The following IQCH variants were observed in gnomAD, a reference collection of about 807,000 sequenced individuals.
IQCH encodes IQ domain-containing protein H.
Under a neutral mutation model 117.0 loss-of-function variants are expected in IQCH, and 98 were observed. That is an observed-to-expected ratio of 0.84 (90% CI 0.71 to 0.99). IQCH has a LOEUF of 0.99. IQCH is among the 50% of genes least tolerant of loss of function. IQCH has a pLI of 0.00. For missense variants in IQCH, 1,102 were observed against 1,243.8 expected, an observed-to-expected ratio of 0.89 and a Z score of 1.72; for synonymous variants, 412 against 448.2, an observed-to-expected ratio of 0.92 and a Z score of 1.02.
rs142654088 is a variant in IQCH, at chr15:67,356,800, C to T, written c.638-545C>T. ...TATCTAGCATGTGGGCCCATTCTTC[C>T]TCGACCATGGGCTAGGTGTGTTCTC... On this transcript the variant is annotated intron_variant, in intron 6 of 20. Transcript: ENST00000335894. The surrounding 1 kb of genome is among the most constrained non-coding windows in gnomAD (Gnocchi z 5.3). Among the ~76,000 whole-genome samples the T allele has an allele frequency of 1.9e-4, 29 of 152,272 alleles. No homozygotes were observed. Among genetic ancestry groups the T allele is most frequent in the Admixed American group, 3.3e-4 (5 of 15,300 alleles).
chr15:67,269,324 A>G (rs1002499327), intron 3 of IQCH, among the ~76,000 whole-genome samples: 1 of 152,220 alleles, frequency 6.6e-6, no homozygotes, highest in Non-Finnish European at 1.5e-5. Context: ...AGTGTAAATT[A>G]GCACAAAGTT....
intron 6 of IQCH, among the ~76,000 whole-genome samples, chr15:67,347,738 T>G (rs1969461938): frequency 6.7e-6 from 1 of 150,294 alleles, no homozygotes; most frequent in East Asian, 1.9e-4. Context: ...CCCAGTATTC[T>G]TTATGAAAAT....
chr15:67,342,729 A>G lies in IQCH; in HGVS notation c.509-1334A>G, dbSNP rs1969225849. 6.6e-6 allele frequency among the ~76,000 whole-genome samples: 1 copy of G among 152,190 alleles called. No individual in the cohort carries two copies. The highest frequency in any genetic ancestry group is 1.5e-5 in the Non-Finnish European group (1 of 68,042). ...AGTACTAATTTCAAAAAGGTCCTAA[A>G]GTGTTATACTCTGGATCAGTAATTC... On this transcript the variant is annotated intron_variant, in intron 5 of 20. Coordinates refer to ENST00000335894, the MANE Select transcript of IQCH (RefSeq NM_001031715.3). The surrounding 1 kb of genome is among the most constrained non-coding windows in gnomAD (Gnocchi z 4.7).
At chr15:67,357,263 C>A in intron 6 of IQCH, 82 bp from the exon 7 acceptor site, 2 of 900,370 alleles carry the variant, frequency 2.2e-6, no homozygotes, top group Non-Finnish European at 1.9e-6. Flanking sequence ...ATTTGACTTT[C>A]AAGGTGCAAA....
chr15:67,377,421 AG>A (rs1295566377), intron 10 of IQCH, among the ~76,000 whole-genome samples: 1 of 152,158 alleles, frequency 6.6e-6, no homozygotes, highest in Non-Finnish European at 1.5e-5. Context: ...ATAAAATATT[AG>A]GGTCTATTTT....
chr15:67,354,228 C>T (rs1969791471), intron 6 of IQCH, among the ~76,000 whole-genome samples: 3 of 152,096 alleles, frequency 2.0e-5, no homozygotes, highest in Admixed American at 2.0e-4. Context: ...TTCTAAAAAA[C>T]ATTAACATTT....
At chr15:67,373,341 T>C (rs770299328) in intron 9 of IQCH, 26 bp from the exon 10 acceptor site, 20 of 1,562,784 alleles carry the variant, frequency 1.3e-5, no homozygotes, top group Non-Finnish European at 1.6e-5. Flanking sequence ...TTCCTGTCAC[T>C]GATCAATGCT....
At chr15:67,497,247 C>T (rs1240037711) in intron 20 of IQCH, among the ~76,000 whole-genome samples, 2 of 151,422 alleles carry the variant, frequency 1.3e-5, no homozygotes, top group African/African-American at 2.4e-5. Flanking sequence ...GGGCGGATGG[C>T]CTGAGTCAGG....
In IQCH at chr15:67,454,132, C is replaced by G. The variant is rs952275151; in HGVS notation, c.2506-10995C>G. 1.3e-5 allele frequency among the ~76,000 whole-genome samples: 2 copies of G among 152,184 alleles called. No homozygotes were observed. The highest frequency in any genetic ancestry group is 6.5e-5 in the Admixed American group (1 of 15,282). On this transcript the variant is annotated intron_variant, in intron 16 of 20. Transcript: ENST00000335894. The surrounding 1 kb of genome is among the most constrained non-coding windows in gnomAD (Gnocchi z 5.2). ...GATTTTCCAGGTGCCATCTGTCACT[C>G]CTTTCTTTGACTAGGAAAGGGAATT...
intron 18 of IQCH, among the ~76,000 whole-genome samples, chr15:67,486,038 C>CTTTTTT (rs55963427): frequency 2.8e-5 from 3 of 106,300 alleles, no homozygotes; most frequent in Non-Finnish European, 3.5e-5. Flanking sequence ...GCTAAGTTTT[C>CTTTTTT]TTTTTTTTTT....
rs569172746 is a variant in IQCH at position 67,473,755 on chromosome 15, C to T, written c.2677-1941C>T. ...AGGGCAGATGACCAAGGGAACAACT[C>T]ATGATAGGTCAGGGTGACAGAGTAC... On this transcript the variant is annotated intron_variant, in intron 17 of 20. Transcript: ENST00000335894. This position sits in a 1 kb window ranked among gnomAD's most constrained non-coding sequence, Gnocchi z 4.9. Among the ~76,000 whole-genome samples the T allele has an allele frequency of 1.3e-5, 2 of 152,284 alleles. No individual in the cohort carries two copies. The highest frequency in any genetic ancestry group is 6.5e-5 in the Admixed American group (1 of 15,294).
At chr15:67,487,070 C>T (rs1215037283) in intron 18 of IQCH, among the ~76,000 whole-genome samples, 4 of 152,292 alleles carry the variant, frequency 2.6e-5, no homozygotes, top group African/African-American at 7.2e-5. Context: ...CAGTGGCTCA[C>T]GCCTGTAATC....
chr15:67,258,989 G>T (rs1365574104), intron 1 of IQCH, among the ~76,000 whole-genome samples: 1 of 152,118 alleles, frequency 6.6e-6, no homozygotes, highest in Admixed American at 6.6e-5. Context: ...GCAAGAAAAG[G>T]AAAAACTCTT....
chr15:67,373,004 C>T (rs969777911), intron 9 of IQCH, among the ~76,000 whole-genome samples: 1 of 152,044 alleles, frequency 6.6e-6, no homozygotes, highest in Admixed American at 6.6e-5. Context: ...TACCTTCTGG[C>T]ACTTTAATTT....
intron 20 of IQCH, among the ~76,000 whole-genome samples, chr15:67,495,803 C>T (rs901439380): frequency 3.3e-5 from 5 of 152,094 alleles, no homozygotes; most frequent in Admixed American, 6.5e-5. Flanking sequence ...TGGTTTCTAG[C>T]CTTCTGATAT....
intron 6 of IQCH, among the ~76,000 whole-genome samples, chr15:67,354,235 A>G (rs1427036109): frequency 6.6e-6 from 1 of 152,202 alleles, no homozygotes; most frequent in Non-Finnish European, 1.5e-5. Flanking sequence ...AAACATTAAC[A>G]TTTTTTAAAT....
chr15:67,332,216 T>G (rs1330941713), intron 4 of IQCH, among the ~76,000 whole-genome samples: 1 of 152,116 alleles, frequency 6.6e-6, no homozygotes, highest in Admixed American at 6.6e-5. Flanking sequence ...CCAGGAAAAT[T>G]TGATTTTGAA....
intron 3 of IQCH, among the ~76,000 whole-genome samples, chr15:67,271,712 A>G (rs1965905162): frequency 6.6e-6 from 1 of 152,124 alleles, no homozygotes; most frequent in African/African-American, 2.4e-5. Context: ...GTTGGGATAT[A>G]GTTGTTCATA....
intron 16 of IQCH, among the ~76,000 whole-genome samples, chr15:67,434,691 G>A (rs911078677): frequency 1.4e-4 from 22 of 152,180 alleles, no homozygotes; most frequent in African/African-American, 5.3e-4. Flanking sequence ...TTTCCACAGT[G>A]GCTGTACTAA....
Sources: allele counts gnomAD v4.1 joint callset (sites outside exome capture counted in the v4.1 genomes callset), GRCh38; gene constraint gnomAD v4.1.1; non-coding constraint Gnocchi (gnomAD v3.1); transcripts MANE v1.5; gene names NCBI Gene and HGNC (gene_info 2026-07-23, HGNC 2026-07-21).